Variants in CDKN2A observed in about 807,000 individuals in gnomAD.
CDKN2A encodes the protein cyclin dependent kinase inhibitor 2A.
Under a neutral mutation model 11.1 loss-of-function variants are expected in CDKN2A, and 3 were observed. The observed-to-expected ratio is 0.27, with a 90% CI of 0.12 to 0.70. The LOEUF (loss-of-function observed/expected upper bound fraction) is 0.70. Ranked by LOEUF, CDKN2A falls within the 30% of genes least tolerant of loss-of-function variation. CDKN2A has a pLI of 0.77. For synonymous variants in CDKN2A, 122 were observed against 108.1 expected, an observed-to-expected ratio of 1.13 and a Z score of -0.80; for missense variants, 265 against 233.6, an observed-to-expected ratio of 1.13 and a Z score of -0.88.
chr9:21,980,148 C>G (rs1820137391), intron 2 of CDKN2A, among the ~76,000 whole-genome samples: 1 of 152,118 alleles, frequency 6.6e-6, no homozygotes, highest in Non-Finnish European at 1.5e-5. Context: ...TATTTTTTGA[C>G]TGCAAAATCT....
At chr9:21,969,458 G>A (rs1819583185) in intron 2 of CDKN2A, 3 of 326,832 alleles carry the variant, frequency 9.2e-6, no homozygotes, top group Non-Finnish European at 1.7e-5. Context: ...ACCTAGAACA[G>A]GGCTGATCAC....
At chr9:21,994,770 A>C in intron 1 of CDKN2A, 1 of 179,776 alleles carries the variant, frequency 5.6e-6, no homozygotes, top group Non-Finnish European at 1.1e-5. Context: ...CTGGAACGCA[A>C]CTCCAGGCAG....
At position 21,968,736 on chromosome 9, in the gene CDKN2A, T is replaced by G. The variant is rs1414835068; in HGVS notation, c.458-494A>C. 6.5e-7 allele frequency: 1 copy of G among 1,536,050 alleles called. No individual in the cohort carries two copies. Among genetic ancestry groups the G allele is most frequent in the African/African-American group, 1.4e-5 (1 of 73,042 alleles). On this transcript the variant is annotated intron_variant, in intron 2 of 2. Transcript: ENST00000304494. The surrounding 1 kb of genome is among the most constrained non-coding windows in gnomAD (Gnocchi z 4.7). ...ATCCCGTAGCTTCCCTACGCATGCC[T>G]GCTTCTACAAACCCACAAATGGTTT...
upstream of CDKN2A, among the ~76,000 whole-genome samples, chr9:21,979,280 G>A (rs1342069120): frequency 6.6e-6 from 1 of 152,190 alleles, no homozygotes; most frequent in East Asian, 1.9e-4. Context: ...CTAGGATAAT[G>A]GGATGGCAAG....
At chr9:21,969,609 A>G in intron 2 of CDKN2A, 1 of 389,386 alleles carries the variant, frequency 2.6e-6, no homozygotes, top group Non-Finnish European at 4.5e-6. Context: ...CGTTCAGTTT[A>G]TTCATTTGCT....
chr9:21,968,541 G>C lies in CDKN2A; in HGVS notation c.458-299C>G. On this transcript the variant is annotated intron_variant, in intron 2 of 2. Transcript: ENST00000304494. This position sits in a 1 kb window ranked among gnomAD's most constrained non-coding sequence, Gnocchi z 4.7. ...GCCCGCAGGGTTGCAAGAAGAAAAC[G>C]AGTGTTATATAATGAGTCTCAGTGG... The C allele has an allele frequency of 1.4e-6, 2 of 1,450,878 alleles. No individual in the cohort carries two copies. The highest frequency in any genetic ancestry group is 9.0e-7 in the Non-Finnish European group (1 of 1,109,216). The allele number at this position is 1,450,878 out of a possible 1,614,324, so 89.9% of individuals were successfully genotyped here.
intron 2 of CDKN2A, among the ~76,000 whole-genome samples, chr9:21,993,659 C>T (rs1394684277): frequency 1.3e-5 from 2 of 152,160 alleles, no homozygotes; most frequent in African/African-American, 4.8e-5. Context: ...TCTCACGGGT[C>T]CTCCACTCTC....
chr9:21,981,769 G>A (rs929663508), intron 2 of CDKN2A, among the ~76,000 whole-genome samples: 15 of 151,914 alleles, frequency 9.9e-5, no homozygotes, highest in Non-Finnish European at 2.1e-4. Flanking sequence ...TCTGATAATC[G>A]AGTCCAATGT....
Position 21,974,009 on chromosome 9 carries a change from A to G in CDKN2A, c.150+669T>C, listed in dbSNP as rs1021294369. On this transcript the variant is annotated intron_variant, in intron 1 of 2. Transcript: ENST00000304494. This position sits in a 1 kb window ranked among gnomAD's most constrained non-coding sequence, Gnocchi z 5.2. The stretch of plus-strand genomic sequence containing the variant: ...GGGTTCAAGCGATTCTCCTGCCTCA[A>G]CCTCCCGAGTAGCTGGGATTACAGG... Among the ~76,000 whole-genome samples, 33 of 151,612 alleles carry G rather than the reference A, an allele frequency of 2.2e-4. No individual in the cohort carries two copies. The highest frequency in any genetic ancestry group is 8.0e-4 in the African/African-American group (33 of 41,228).
At chr9:21,986,883 G>T (rs1224245010) in intron 2 of CDKN2A, among the ~76,000 whole-genome samples, 4 of 152,070 alleles carry the variant, frequency 2.6e-5, no homozygotes, top group Non-Finnish European at 5.9e-5. Context: ...AACTGGGGGA[G>T]TCATTGTTCT....
At chr9:21,972,280 CTT>C (rs1819802953) in intron 1 of CDKN2A, among the ~76,000 whole-genome samples, 1 of 152,070 alleles carries the variant, frequency 6.6e-6, no homozygotes, top group African/African-American at 2.4e-5. Context: ...TCCTCAAAAA[CTT>C]TTAATACATT....
At chr9:21,978,673 C>T (rs916813587), upstream of CDKN2A, among the ~76,000 whole-genome samples, 29 of 152,094 alleles carry the variant, frequency 1.9e-4, no homozygotes, top group African/African-American at 6.5e-4. Flanking sequence ...AAATTCTACA[C>T]GTGAAATTTA....
chr9:21,972,220 C>T (rs1264530399), intron 1 of CDKN2A, among the ~76,000 whole-genome samples: 1 of 152,088 alleles, frequency 6.6e-6, no homozygotes, highest in Non-Finnish European at 1.5e-5. Context: ...AAAATTCCTT[C>T]CTGTGGTAGG....
chr9:21,985,885 G>T (rs1487510591), intron 2 of CDKN2A, among the ~76,000 whole-genome samples: 1 of 151,852 alleles, frequency 6.6e-6, no homozygotes, highest in Non-Finnish European at 1.5e-5. Context: ...TTTTAAAGTG[G>T]AGTTTAGAAA....
At chr9:21,973,731 A>G (rs944960314) in intron 1 of CDKN2A, among the ~76,000 whole-genome samples, 3 of 152,248 alleles carry the variant, frequency 2.0e-5, no homozygotes, top group Admixed American at 6.5e-5. Context: ...ATGTTAGCAG[A>G]TATTCCCAAA....
intron 1 of CDKN2A, among the ~76,000 whole-genome samples, chr9:21,973,704 A>G (rs985149716): frequency 5.5e-4 from 84 of 152,222 alleles, no homozygotes; most frequent in Non-Finnish European, 1.0e-4. Flanking sequence ...TAAGCTAAAG[A>G]TAGTAAAAGA....
rs1435755178 is a variant in CDKN2A, at chr9:21,968,620, A to G, written c.458-378T>C. Reference sequence around the variant, plus strand: ...GAAGATGTGGCCTTTCCCTTCCCGCATCCCCAGGCATCTTTTGCACCTGGT... The same window carrying G: ...GAAGATGTGGCCTTTCCCTTCCCGCGTCCCCAGGCATCTTTTGCACCTGGT... On this transcript the variant is annotated intron_variant, in intron 2 of 2. Transcript: ENST00000304494. This position sits in a 1 kb window ranked among gnomAD's most constrained non-coding sequence, Gnocchi z 4.7. The G allele has an allele frequency of 6.6e-7, 1 of 1,512,382 alleles. No individual in the cohort carries two copies. Among genetic ancestry groups the G allele is most frequent in the Non-Finnish European group, 8.8e-7 (1 of 1,134,988 alleles). The allele number at this position is 1,512,382 out of a possible 1,614,324, so 93.7% of individuals were successfully genotyped here.
chr9:21,969,933 C>T, intron 2 of CDKN2A: 1 of 396,530 alleles, frequency 2.5e-6, no homozygotes, highest in Non-Finnish European at 4.4e-6. Context: ...TCACCCTGTC[C>T]TCCCCAGCTC....
chr9:21,971,195 C>G lies in CDKN2A; in HGVS notation c.164G>C (p.Gly55Ala), dbSNP rs561034503. 6.3e-7 allele frequency: 1 copy of G among 1,597,694 alleles called. No homozygotes were observed. ...GRRPIQVMMM[G>A]SARVAELLLL... ...CAGCAGCTCCGCCACTCGGGCGCTG[C>G]CCATCATCATGACCTGCCAGAGAGA... The change falls in exon 2 of 3, where the codon GGC becomes GCC. Residue 55 changes from glycine (G) to alanine (A), a missense_variant. Gly to Ala is a moderately conservative substitution (Grantham distance 60). Transcript: ENST00000304494.
Sources: allele counts gnomAD v4.1 joint callset (sites outside exome capture counted in the v4.1 genomes callset), GRCh38; gene constraint gnomAD v4.1.1; non-coding constraint Gnocchi (gnomAD v3.1); transcripts MANE v1.5; gene names NCBI Gene and HGNC (gene_info 2026-07-23, HGNC 2026-07-21).